The following CACNA1C variants were observed in gnomAD, a reference collection of about 807,000 sequenced individuals.
CACNA1C encodes the protein voltage-dependent L-type calcium channel subunit alpha-1C.
In CACNA1C, 30 loss-of-function variants were observed where a neutral mutation model predicts 229.0. The observed-to-expected ratio is 0.13, with a 90% CI of 0.10 to 0.18. The LOEUF (loss-of-function observed/expected upper bound fraction) is 0.18. CACNA1C is among the 10% of genes least tolerant of loss of function. The pLI is 1.00. For synonymous variants in CACNA1C, 1,114 were observed against 1,132.5 expected (o/e 0.98, Z 0.33); for missense variants, 1,658 against 2,845.0 (o/e 0.58, Z 9.49).
chr12:2,517,578 C>T (rs1426702254), intron 9 of CACNA1C, among the ~76,000 whole-genome samples: 1 of 152,224 alleles, frequency 6.6e-6, no homozygotes, highest in East Asian at 1.9e-4. Context: ...GTGGGGCAGC[C>T]AAGAGCCAAG....
In CACNA1C at chr12:2,277,354, GACAGACAGACAC is replaced by G. The variant is rs1359412585; in HGVS notation, c.477+156928_477+156939del. Reference sequence around the variant, plus strand: ...TAGTAGACAGACAGACAGACAGACAGACAGACAGACACACACACACACACACACACACACACA... The same window carrying G: ...TAGTAGACAGACAGACAGACAGACAGACACACACACACACACACACACACA... On this transcript the variant is annotated intron_variant, in intron 3 of 46. Coordinates refer to ENST00000399655, the MANE Select transcript of CACNA1C (RefSeq NM_000719.7). 9.6e-3 allele frequency among the ~76,000 whole-genome samples: 828 copies of G among 86,168 alleles called. 2 individuals are homozygous for G. The highest frequency in any genetic ancestry group is 0.018 in the Middle Eastern group (3 of 168). 56.5% of individuals were successfully genotyped at this position (86,168 alleles called of 152,430 possible).
Position 2,579,560 on chromosome 12 carries a change from T to C in CACNA1C, c.1896-2030T>C, listed in dbSNP as rs984559483. On this transcript the variant is annotated intron_variant, in intron 13 of 46. Coordinates refer to ENST00000399655, the MANE Select transcript of CACNA1C (RefSeq NM_000719.7). Reference sequence around the variant, plus strand: ...AAATGCTAACACACCCCTACTGGTATTGTTGTTGTTCTATTATTAATTAAT... The same window carrying C: ...AAATGCTAACACACCCCTACTGGTACTGTTGTTGTTCTATTATTAATTAAT... Among the ~76,000 whole-genome samples, 79 of 151,994 alleles carry C rather than the reference T, an allele frequency of 5.2e-4. 1 individual carries two copies. The highest frequency in any genetic ancestry group is 1.8e-3 in the African/African-American group (73 of 41,356).
At chr12:2,197,072 C>T (rs1040045866) in intron 3 of CACNA1C, among the ~76,000 whole-genome samples, 4 of 152,172 alleles carry the variant, frequency 2.6e-5, no homozygotes, top group Non-Finnish European at 4.4e-5. Context: ...TGGCTTTCCA[C>T]GAGGTACAGG....
chr12:2,125,505 A>C (rs1405380365), intron 3 of CACNA1C, among the ~76,000 whole-genome samples: 1 of 152,166 alleles, frequency 6.6e-6, no homozygotes, highest in South Asian at 2.1e-4. Flanking sequence ...TTTTTAAAAA[A>C]TTAAAGAATT....
At chr12:2,490,173 G>A (rs954537714) in intron 6 of CACNA1C, among the ~76,000 whole-genome samples, 16 of 152,334 alleles carry the variant, frequency 1.1e-4, no homozygotes, top group Middle Eastern at 3.4e-3. Flanking sequence ...TTTAGATAAT[G>A]TTTCTGAATC....
chr12:2,276,119 T>A (rs917504805), intron 3 of CACNA1C, among the ~76,000 whole-genome samples: 1 of 152,190 alleles, frequency 6.6e-6, no homozygotes, highest in Non-Finnish European at 1.5e-5. Flanking sequence ...GCTGGTTGGA[T>A]CCGCGGGTAC....
intron 4 of CACNA1C, among the ~76,000 whole-genome samples, chr12:2,453,215 G>T (rs191824885): frequency 6.6e-6 from 1 of 152,080 alleles, no homozygotes; most frequent in Admixed American, 6.5e-5. Flanking sequence ...TCCATGGAGC[G>T]TTTCTAGACC....
At chr12:2,271,187 G>A (rs1387538870) in intron 3 of CACNA1C, among the ~76,000 whole-genome samples, 2 of 152,220 alleles carry the variant, frequency 1.3e-5, no homozygotes, top group Non-Finnish European at 2.9e-5. Context: ...GTGGGATCCA[G>A]TTCATGGCTT....
intron 3 of CACNA1C, among the ~76,000 whole-genome samples, chr12:2,424,414 G>GT (rs929725272): frequency 2.0e-5 from 3 of 151,742 alleles, no homozygotes; most frequent in African/African-American, 7.2e-5. Flanking sequence ...GTGGAGGAGC[G>GT]TGTGTGAGGA....
At position 2,414,112 on chromosome 12, in the gene CACNA1C, C is replaced by T. The variant is rs192192143; in HGVS notation, c.478-34864C>T. Among the ~76,000 whole-genome samples, 568 of 142,718 alleles carry T rather than the reference C, an allele frequency of 4.0e-3. 3 individuals carry two copies. The highest frequency in any genetic ancestry group is 0.014 in the African/African-American group (539 of 39,078). The allele number at this position is 142,718 out of a possible 152,430, so 93.6% of individuals were successfully genotyped here. On this transcript the variant is annotated intron_variant, in intron 3 of 46. Transcript: ENST00000399655. ...TCCGTTATTTGCTGGCCGTGGGACCCGGGATAAGTGGCGTAATCTCTGAGT... is the reference window on the plus strand; with the variant it reads ...TCCGTTATTTGCTGGCCGTGGGACCTGGGATAAGTGGCGTAATCTCTGAGT...
intron 27 of CACNA1C, among the ~76,000 whole-genome samples, chr12:2,609,808 T>C (rs968650938): frequency 2.0e-5 from 3 of 151,908 alleles, no homozygotes; most frequent in Non-Finnish European, 4.4e-5. Flanking sequence ...TTCCATCTTA[T>C]GGACACTGGC....
intron 3 of CACNA1C, among the ~76,000 whole-genome samples, chr12:2,122,489 G>A (rs2087302488): frequency 6.6e-6 from 1 of 152,104 alleles, no homozygotes; most frequent in African/African-American, 2.4e-5. Context: ...ATCAGAACAC[G>A]ATTCTGCCCC....
At chr12:2,020,917 A>G (rs867727648) in intron 1 of CACNA1C, among the ~76,000 whole-genome samples, 1 of 152,296 alleles carries the variant, frequency 6.6e-6, no homozygotes, top group South Asian at 2.1e-4. Context: ...TATGGAACCC[A>G]TATTTGCCTA....
At chr12:2,357,970 C>T (rs1265059641) in intron 3 of CACNA1C, among the ~76,000 whole-genome samples, 1 of 106,310 alleles carries the variant, frequency 9.4e-6, no homozygotes, top group Admixed American at 1.0e-4. Flanking sequence ...AACTCAGTCT[C>T]AAAAAAAAAA....
rs1186034075 is a variant in CACNA1C at position 2,595,427 on chromosome 12, A to G, written c.2664-447A>G. On this transcript the variant is annotated intron_variant, in intron 19 of 46. Coordinates refer to ENST00000399655, the MANE Select transcript of CACNA1C (RefSeq NM_000719.7). This position sits in a 1 kb window ranked among gnomAD's most constrained non-coding sequence, Gnocchi z 4.1. ...GCTGGGGCATGGAAGTGAATTGCAC[A>G]TTTAAAGCTATTACACAGGAGCAGA... 6.6e-6 allele frequency among the ~76,000 whole-genome samples: 1 copy of G among 152,184 alleles called. No homozygotes were observed. Among genetic ancestry groups the G allele is most frequent in the Non-Finnish European group, 1.5e-5 (1 of 68,036 alleles).
At chr12:2,056,196 AGTGTGTGTGTGTGTGT>A (rs138718348) in intron 1 of CACNA1C, among the ~76,000 whole-genome samples, 7,326 of 146,096 alleles carry the variant, frequency 0.05, 523 homozygotes, top group African/African-American at 0.16. Flanking sequence ...AGTGTGTGTG[AGTGTGTGTGTGTGTGT>A]GTGTGTGTGT....
intron 3 of CACNA1C, among the ~76,000 whole-genome samples, chr12:2,315,109 C>T (rs535330436): frequency 7.2e-5 from 11 of 152,246 alleles, no homozygotes; most frequent in African/African-American, 1.4e-4. Flanking sequence ...GAAAAGGACA[C>T]GTCCTCCTCT....
At chr12:2,282,389 G>A (rs1488424300) in intron 3 of CACNA1C, among the ~76,000 whole-genome samples, 1 of 152,198 alleles carries the variant, frequency 6.6e-6, no homozygotes, top group Non-Finnish European at 1.5e-5. Context: ...AGACAGGGCT[G>A]AACGCCCGGA....
In CACNA1C at chr12:2,693,089, G is replaced by GTGTT. The variant is rs1248473024; in HGVS notation, c.*1893_*1896dup. The GTGTT allele has an allele frequency of 2.6e-5, 4 of 152,460 alleles. No homozygotes were observed. The East Asian group carries it at 7.7e-4, about 29-fold the overall frequency. 9.4% of individuals were successfully genotyped at this position (152,460 alleles called of 1,614,324 possible). A position where few individuals can be genotyped will look rare whatever the true frequency, so the allele number is the denominator to read the frequency against. ...TGGACATTACTGTTTTGCATATCTT[G>GTGTT]TGTTTGCTTACATTTCCCTCAATTT... On this transcript the variant is annotated 3_prime_UTR_variant, in exon 47 of 47. Coordinates refer to ENST00000399655, the MANE Select transcript of CACNA1C (RefSeq NM_000719.7).
Sources: allele counts gnomAD v4.1 joint callset (sites outside exome capture counted in the v4.1 genomes callset), GRCh38; gene constraint gnomAD v4.1.1; non-coding constraint Gnocchi (gnomAD v3.1); transcripts MANE v1.5; gene names NCBI Gene and HGNC (gene_info 2026-07-23, HGNC 2026-07-21).